Variants in HSPA1L observed in about 807,000 individuals in gnomAD.
HSPA1L encodes heat shock 70 kDa protein 1-like.
Under a neutral mutation model 31.5 loss-of-function variants are expected in HSPA1L, and 21 were observed. That is an observed-to-expected ratio of 0.67 (90% CI 0.47 to 0.96). The LOEUF (loss-of-function observed/expected upper bound fraction) is 0.96. Among genes scored for constraint, HSPA1L ranks in the 40% least tolerant of loss-of-function variants. The pLI is 0.00. For synonymous variants in HSPA1L, 293 were observed against 323.1 expected (o/e 0.91, Z 1.00); for missense variants, 709 against 813.4 (o/e 0.87, Z 1.56).
chr6:31,812,458 C>A (rs7757496), intron 1 of HSPA1L, among the ~76,000 whole-genome samples: 12,543 of 151,930 alleles, frequency 0.083, 683 homozygotes, highest in Admixed American at 0.16. Context: ...CATACGTGAG[C>A]CACCGTGACC....
In HSPA1L at chr6:31,809,737, C is replaced by A. The variant is rs1265115338; in HGVS notation, c.*310G>T. ...CAGCCTAAATACCAGAAGTAATTTT[C>A]TTTACGAACAAATTTACTGATTGAC... On this transcript the variant is annotated 3_prime_UTR_variant, in exon 2 of 2. Transcript: ENST00000375654. The A allele has an allele frequency of 6.0e-6, 2 of 334,036 alleles. No individual in the cohort carries two copies. The highest frequency in any genetic ancestry group is 5.4e-6 in the Non-Finnish European group (1 of 185,992). The allele number at this position is 334,036 out of a possible 1,614,324, so 20.7% of individuals were successfully genotyped here. A position where few individuals can be genotyped will look rare whatever the true frequency, so the allele number is the denominator to read the frequency against.
In HSPA1L at chr6:31,811,456, T is replaced by C; in HGVS notation, c.517A>G (p.Arg173Gly). ...AGVIAGLNVLRIINEPTAAAI... is the reference protein window; with the variant it reads ...AGVIAGLNVLGIINEPTAAAI... ...GCAGCCGTGGGCTCATTGATGATTC[T>C]TAGCACATTAAGTCCAGCAATCACA... Residue 173 changes from arginine to glycine, a missense_variant, in exon 2 of 2, where the codon AGA becomes GGA. Coordinates refer to ENST00000375654, the MANE Select transcript of HSPA1L (RefSeq NM_005527.4). 1 of 1,613,488 alleles carries C rather than the reference T, an allele frequency of 6.2e-7. No individual in the cohort carries two copies. The highest frequency in any genetic ancestry group is 1.3e-5 in the African/African-American group (1 of 75,044).
Position 31,811,054 on chromosome 6 carries a change from A to G in HSPA1L, c.919T>C (p.Leu307=), listed in dbSNP as rs35326839. ...TSITRARFEE[L]CADLFRGTLE... ...GTACCCCTAAACAGGTCTGCACACA[A>G]CTCTTCAAATCGAGCTCTGGTGATG... Residue 307 remains leucine, a synonymous_variant, in exon 2 of 2, where the codon TTG becomes CTG. Transcript: ENST00000375654. 9,625 of 1,613,972 alleles carry G rather than the reference A, an allele frequency of 6.0e-3. 328 individuals carry two copies. The East Asian group carries it at 0.084, about 14-fold the overall frequency.
At position 31,811,672 on chromosome 6, in the gene HSPA1L, C is replaced by T. The variant is rs768475218; in HGVS notation, c.301G>A (p.Gly101Ser). The change falls in exon 2 of 2, where the codon GGC (glycine) becomes AGC (serine). Residue 101 changes from glycine to serine, a missense_variant. By Grantham distance (56) the Gly-to-Ser change is moderately conservative. Transcript: ENST00000375654. ...TAGGACACAAGGACTTTGGGCTTGC[C>T]TCCTTCATTAATCACTTGAAAAGGC... ...LWPFQVINEG[G>S]KPKVLVSYKG... The T allele has an allele frequency of 2.5e-6, 4 of 1,614,186 alleles. No homozygotes were observed. The South Asian group carries it at 3.3e-5, about 13-fold the overall frequency.
intron 1 of HSPA1L, 24 bp from the exon 2 acceptor site, chr6:31,812,009 G>A (rs1815460391): frequency 1.3e-6 from 2 of 1,597,244 alleles, no homozygotes; most frequent in Admixed American, 1.8e-5. Flanking sequence ...ATAAGATACT[G>A]TTTTGGGAGA....
Position 31,811,000 on chromosome 6 carries a change from C to G in HSPA1L, c.973G>C (p.Asp325His), listed in dbSNP as rs750047577. ...TLEPVEKALR[D>H]AKMDKAKIHD... The stretch of plus-strand genomic sequence containing the variant: ...ATTTTAGCCTTATCCATCTTGGCAT[C>G]CCGAAGCGCTTTTTCTACAGGCTCC... Residue 325 changes from aspartate (D) to histidine (H), a missense_variant, in exon 2 of 2, where the codon GAT becomes CAT. Asp to His is a moderately conservative substitution (Grantham distance 81). Transcript: ENST00000375654. 1 of 1,614,078 alleles carries G rather than the reference C, an allele frequency of 6.2e-7. No homozygotes were observed. The highest frequency in any genetic ancestry group is 1.3e-5 in the African/African-American group (1 of 74,922).
At position 31,810,920 on chromosome 6, in the gene HSPA1L, C is replaced by A; in HGVS notation, c.1053G>T (p.Leu351=). 2 of 1,614,188 alleles carry A rather than the reference C, an allele frequency of 1.2e-6. No individual in the cohort carries two copies. Among genetic ancestry groups the A allele is most frequent in the Non-Finnish European group, 1.7e-6 (2 of 1,180,038 alleles). Residue 351 remains leucine, a synonymous_variant, in exon 2 of 2, where the codon CTG becomes CTT. Coordinates refer to ENST00000375654, the MANE Select transcript of HSPA1L (RefSeq NM_005527.4). The part of the protein sequence containing the change: ...GSTRIPKVQR[L]LQDYFNGRDL... ...CACGTCCATTGAAGTAGTCCTGAAG[C>A]AGCCGCTGCACCTTGGGGATGCGGG...
chr6:31,810,743 G>A lies in HSPA1L; in HGVS notation c.1230C>T (p.Gly410=), dbSNP rs746667063. ...PLSLGLETAG[G]VMTALIKRNS... ...TGCGCTTTATCAGGGCAGTCATCAC[G>A]CCCCCAGCCGTCTCCAGCCCCAGGG... Residue 410 remains glycine, a synonymous_variant, in exon 2 of 2, where the codon GGC becomes GGT. Transcript: ENST00000375654. The A allele has an allele frequency of 1.5e-5, 24 of 1,613,848 alleles. No homozygotes were observed. Among genetic ancestry groups the A allele is most frequent in the Middle Eastern group, 1.6e-4 (1 of 6,084 alleles).
rs146402090 is a variant in HSPA1L, at chr6:31,810,330, G to C, written c.1643C>G (p.Ala548Gly). Residue 548 changes from alanine to glycine, a missense_variant, in exon 2 of 2, where the codon GCT becomes GGT. Physicochemically the swap from Ala to Gly is moderately conservative, Grantham distance 60 (BLOSUM62 0). Transcript: ENST00000375654. ...ACTCACAACACTCTTCATGTTAAAA[G>C]CATAGGATTCTAAGGCATTCTTTGC... ...IAAKNALESY[A>G]FNMKSVVSDE... 1 of 1,596,112 alleles carries C rather than the reference G, an allele frequency of 6.3e-7. No individual in the cohort carries two copies. The highest frequency in any genetic ancestry group is 8.5e-7 in the Non-Finnish European group (1 of 1,172,620).
chr6:31,810,937 G>T lies in HSPA1L; in HGVS notation c.1036C>A (p.Pro346Thr). ...IVLVGGSTRI[P>T]KVQRLLQDYF... ...TCCTGAAGCAGCCGCTGCACCTTGG[G>T]GATGCGGGTGGAGCCCCCTACTAAA... Residue 346 changes from proline to threonine, a missense_variant, in exon 2 of 2, where the codon CCC becomes ACC. Transcript: ENST00000375654. 1 of 1,614,116 alleles carries T rather than the reference G, an allele frequency of 6.2e-7. No individual in the cohort carries two copies. The highest frequency in any genetic ancestry group is 8.5e-7 in the Non-Finnish European group (1 of 1,180,036).
chr6:31,813,616 T>A (rs1404231232), intron 1 of HSPA1L, among the ~76,000 whole-genome samples: 1 of 152,116 alleles, frequency 6.6e-6, no homozygotes, highest in Admixed American at 6.6e-5. Flanking sequence ...CCTATATACA[T>A]TTTGCTTATC....
chr6:31,811,111 A>T lies in HSPA1L; in HGVS notation c.862T>A (p.Ser288Thr). Residue 288 changes from serine (S) to threonine (T), a missense_variant, in exon 2 of 2, where the codon TCA becomes ACA. Ser to Thr is a moderately conservative substitution (Grantham distance 58, BLOSUM62 1). Transcript: ENST00000375654. Reference protein sequence around the residue: ...SSTQANLEIDSLYEGIDFYTS... With the variant: ...SSTQANLEIDTLYEGIDFYTS... ...TAGAAGTCAATGCCTTCATAAAGTG[A>T]ATCAATTTCTAGGTTGGCCTGGGTG... 3 of 1,614,074 alleles carry T rather than the reference A, an allele frequency of 1.9e-6. No individual in the cohort carries two copies. In the South Asian group the frequency reaches 3.3e-5, roughly 18 times the overall value.
rs753725330 is a variant in HSPA1L, at chr6:31,811,854, G to T, written c.119C>A (p.Thr40Asn). 6.2e-7 allele frequency: 1 copy of T among 1,614,186 alleles called. No homozygotes were observed. Among genetic ancestry groups the T allele is most frequent in the East Asian group, 2.2e-5 (1 of 44,890 alleles). The change falls in exon 2 of 2, where the codon ACC (threonine) becomes AAC (asparagine). Residue 40 changes from threonine to asparagine, a missense_variant. Thr to Asn is a moderately conservative substitution (Grantham distance 65, BLOSUM62 0). Transcript: ENST00000375654. ...GTCTGTGAAGGCCACGTAGCTGGGG[G>T]TGGTGCGGTTGCCCTGGTCGTTGGC... Reference protein sequence around the residue: ...IIANDQGNRTTPSYVAFTDTE... With the variant: ...IIANDQGNRTNPSYVAFTDTE...
chr6:31,810,009 T>C lies in HSPA1L; in HGVS notation c.*38A>G. 2.2e-6 allele frequency: 3 copies of C among 1,362,864 alleles called. No individual in the cohort carries two copies. Among genetic ancestry groups the C allele is most frequent in the Non-Finnish European group, 2.9e-6 (3 of 1,046,776 alleles). 84.4% of individuals were successfully genotyped at this position (1,362,864 alleles called of 1,614,324 possible). ...TTGAAGATGAGGGGAATGAAATACATGTAGAGGCATCCTAGGATGCTTCAG... is the reference window on the plus strand; with the variant it reads ...TTGAAGATGAGGGGAATGAAATACACGTAGAGGCATCCTAGGATGCTTCAG... On this transcript the variant is annotated 3_prime_UTR_variant, in exon 2 of 2. Transcript: ENST00000375654.
In HSPA1L at chr6:31,810,101, T is replaced by C. The variant is rs904593926; in HGVS notation, c.1872A>G (p.Thr624=). ...QGGCTGPACG[T]GYVPGRPATG... ...TGGCAGGCCTTCCAGGCACATACCC[T>C]GTTCCGCAGGCAGGCCCAGTGCATC... The change falls in exon 2 of 2, where the codon ACA becomes ACG. Residue 624 remains threonine (T), a synonymous_variant. Transcript: ENST00000375654. 8.1e-6 allele frequency: 12 copies of C among 1,483,888 alleles called. No homozygotes were observed. Among genetic ancestry groups the C allele is most frequent in the Non-Finnish European group, 1.1e-5 (12 of 1,121,378 alleles). 91.9% of individuals were successfully genotyped at this position (1,483,888 alleles called of 1,614,324 possible).
intron 1 of HSPA1L, among the ~76,000 whole-genome samples, chr6:31,813,110 A>G (rs1392084966): frequency 6.6e-6 from 1 of 152,206 alleles, no homozygotes; most frequent in Non-Finnish European, 1.5e-5. Flanking sequence ...GGCTTGAGCC[A>G]AGGCGCCCGA....
chr6:31,813,430 G>A (rs1459439734), intron 1 of HSPA1L, among the ~76,000 whole-genome samples: 1 of 152,088 alleles, frequency 6.6e-6, no homozygotes, highest in Non-Finnish European at 1.5e-5. Context: ...TCAGCCTCCC[G>A]AGGAGCTGGG....
At chr6:31,813,227 T>G (rs1301185328) in intron 1 of HSPA1L, among the ~76,000 whole-genome samples, 2 of 152,250 alleles carry the variant, frequency 1.3e-5, no homozygotes, top group Non-Finnish European at 2.9e-5. Flanking sequence ...TTAGCTTATG[T>G]GCACAGGTTT....
chr6:31,814,856 G>T, intron 1 of HSPA1L, 33 bp downstream of exon 1: 8 of 977,344 alleles, frequency 8.2e-6, no homozygotes, highest in Non-Finnish European at 9.7e-6. Flanking sequence ...GAGCCTTTCA[G>T]GTTCACAATC....
Sources: gnomAD v4.1 joint callset for allele counts (sites outside exome capture counted in the v4.1 genomes callset) on GRCh38, gnomAD v4.1.1 for gene constraint, MANE v1.5 for transcripts, NCBI Gene and HGNC (gene_info 2026-07-23, HGNC 2026-07-21) for gene names.